Variants in SLC35F1 observed in about 807,000 individuals in gnomAD.
SLC35F1 encodes the protein solute carrier family 35 member F1.
Under a neutral mutation model 48.7 loss-of-function variants are expected in SLC35F1, and 14 were observed. That is an observed-to-expected ratio of 0.29 (90% CI 0.19 to 0.45). SLC35F1 has a LOEUF of 0.45. Among genes scored for constraint, SLC35F1 ranks in the 20% least tolerant of loss-of-function variants. The pLI, the probability that SLC35F1 is intolerant of heterozygous loss-of-function variation, is 1.00. For synonymous variants in SLC35F1, 190 were observed against 202.2 expected, an observed-to-expected ratio of 0.94 and a Z score of 0.51; for missense variants, 404 against 500.0, an observed-to-expected ratio of 0.81 and a Z score of 1.83.
intron 1 of SLC35F1, among the ~76,000 whole-genome samples, chr6:117,934,608 ATTATTATTT>A (rs1350470236): frequency 3.3e-5 from 5 of 152,216 alleles, no homozygotes; most frequent in African/African-American, 1.2e-4. Flanking sequence ...AAATTCATAA[ATTATTATTT>A]TAGGATTATA....
chr6:118,068,394 TTTC>T (rs1160122745), intron 1 of SLC35F1, among the ~76,000 whole-genome samples: 1 of 152,196 alleles, frequency 6.6e-6, no homozygotes, highest in East Asian at 1.9e-4. Context: ...TACATTTTTT[TTTC>T]TTCTTTGTGT....
At chr6:118,006,453 CAAAA>C (rs1217256337) in intron 1 of SLC35F1, among the ~76,000 whole-genome samples, 1 of 151,926 alleles carries the variant, frequency 6.6e-6, no homozygotes, top group Non-Finnish European at 1.5e-5. Flanking sequence ...CCCATCTCTA[CAAAA>C]AATTTTTAAA....
intron 1 of SLC35F1, among the ~76,000 whole-genome samples, chr6:118,021,628 C>T (rs4132663): frequency 0.028 from 4,230 of 152,254 alleles, 197 homozygotes; most frequent in African/African-American, 0.097. Flanking sequence ...ACACAGAGAT[C>T]ATGCCTCCAT....
Position 118,317,004 on chromosome 6 carries a change from C to G in SLC35F1, c.*2752C>G, listed in dbSNP as rs923176235. ...GGGGCGGGAAATGGGAGTAGGACAACATTAACTTTAGCTGTTTTAGTTTCT... is the reference window on the plus strand; with the variant it reads ...GGGGCGGGAAATGGGAGTAGGACAAGATTAACTTTAGCTGTTTTAGTTTCT... On this transcript the variant is annotated 3_prime_UTR_variant, in exon 8 of 8. Coordinates refer to ENST00000360388, the MANE Select transcript of SLC35F1 (RefSeq NM_001029858.4). The G allele has an allele frequency of 1.3e-5, 2 of 152,572 alleles. No individual in the cohort carries two copies. Among genetic ancestry groups the G allele is most frequent in the African/African-American group, 4.8e-5 (2 of 41,416 alleles). The allele number at this position is 152,572 out of a possible 1,614,324, so 9.5% of individuals were successfully genotyped here.
At position 118,302,375 on chromosome 6, in the gene SLC35F1, C is replaced by A. The variant is rs137868300; in HGVS notation, c.1003-11653C>A. Among the ~76,000 whole-genome samples, 1,351 of 152,246 alleles carry A rather than the reference C, an allele frequency of 8.9e-3. 6 individuals are homozygous for A. The highest frequency in any genetic ancestry group is 0.014 in the South Asian group (65 of 4,814). On this transcript the variant is annotated intron_variant, in intron 7 of 7. Transcript: ENST00000360388. ...TAGTGCACCCCAGGAGGAACCATTT[C>A]AGGAAGTAACAATAATATTATCAAA...
chr6:117,932,247 A>C (rs1312101569), intron 1 of SLC35F1, among the ~76,000 whole-genome samples: 1 of 152,230 alleles, frequency 6.6e-6, no homozygotes, highest in Non-Finnish European at 1.5e-5. Context: ...AACTGTGAGA[A>C]ATACATTTCT....
chr6:118,170,838 CATAAAT>C (rs1774393279), intron 2 of SLC35F1, among the ~76,000 whole-genome samples: 1 of 152,094 alleles, frequency 6.6e-6, no homozygotes, highest in South Asian at 2.1e-4. Flanking sequence ...CAAATATAGA[CATAAAT>C]ATAATTTTTT....
chr6:118,088,054 C>T (rs949605781), intron 1 of SLC35F1, among the ~76,000 whole-genome samples: 1 of 152,146 alleles, frequency 6.6e-6, no homozygotes, highest in African/African-American at 2.4e-5. Flanking sequence ...TACTCCATGA[C>T]AAATCATTGA....
intron 1 of SLC35F1, among the ~76,000 whole-genome samples, chr6:118,070,135 T>C (rs1177797136): frequency 1.3e-5 from 1 of 74,354 alleles, no homozygotes; most frequent in Admixed American, 2.4e-4. Context: ...AGAGCGAGAC[T>C]CCGTCTCAAA....
chr6:118,288,079 A>G (rs1165845234), intron 7 of SLC35F1, among the ~76,000 whole-genome samples: 1 of 150,960 alleles, frequency 6.6e-6, no homozygotes, highest in Non-Finnish European at 1.5e-5. Context: ...AAATTTTCTT[A>G]AAGCAGGGAT....
chr6:118,092,908 C>T (rs1171669111), intron 1 of SLC35F1, among the ~76,000 whole-genome samples: 1 of 152,130 alleles, frequency 6.6e-6, no homozygotes, highest in Non-Finnish European at 1.5e-5. Context: ...TTGACGGGCT[C>T]ATAGGTGGAA....
chr6:118,041,574 A>G (rs948008180), intron 1 of SLC35F1, among the ~76,000 whole-genome samples: 2 of 152,176 alleles, frequency 1.3e-5, no homozygotes, highest in Non-Finnish European at 2.9e-5. Context: ...TAAGTAAGTA[A>G]ACATCAAAAT....
chr6:118,183,445 C>A (rs1389769504), intron 2 of SLC35F1, among the ~76,000 whole-genome samples: 1 of 151,718 alleles, frequency 6.6e-6, no homozygotes, highest in Non-Finnish European at 1.5e-5. Context: ...ACATATGTAA[C>A]TAACCTGCAC....
Position 118,314,641 on chromosome 6 carries a change from T to A in SLC35F1, c.*389T>A, listed in dbSNP as rs1776410453. 1 of 229,746 alleles carries A rather than the reference T, an allele frequency of 4.4e-6. No homozygotes were observed. The highest frequency in any genetic ancestry group is 8.8e-6 in the Non-Finnish European group (1 of 113,394). 14.2% of individuals were successfully genotyped at this position (229,746 alleles called of 1,614,324 possible). A position where few individuals can be genotyped will look rare whatever the true frequency, so the allele number is the denominator to read the frequency against. On this transcript the variant is annotated 3_prime_UTR_variant, in exon 8 of 8. Coordinates refer to ENST00000360388, the MANE Select transcript of SLC35F1 (RefSeq NM_001029858.4). ...AAACTATTGCCAGACCCACATGTAG[T>A]CAACATAAACCCCACTTTTCTATGG...
intron 3 of SLC35F1, among the ~76,000 whole-genome samples, chr6:118,238,908 T>C (rs1775401551): frequency 6.6e-6 from 1 of 152,046 alleles, no homozygotes; most frequent in Non-Finnish European, 1.5e-5. Flanking sequence ...TACCCACTGA[T>C]AGAGTCAGGG....
At chr6:118,276,073 A>G (rs1333169430) in intron 5 of SLC35F1, among the ~76,000 whole-genome samples, 2 of 152,222 alleles carry the variant, frequency 1.3e-5, no homozygotes, top group Non-Finnish European at 2.9e-5. Context: ...AGAGTGGACC[A>G]TATTTCAAAT....
At chr6:118,112,176 T>C (rs984712630) in intron 1 of SLC35F1, among the ~76,000 whole-genome samples, 1 of 151,486 alleles carries the variant, frequency 6.6e-6, no homozygotes, top group African/African-American at 2.4e-5. Flanking sequence ...GTCACCAGGC[T>C]GGAGTGCAGT....
intron 1 of SLC35F1, 58 bp from the exon 2 acceptor site, chr6:118,154,387 A>G (rs1189292523): frequency 4.0e-6 from 6 of 1,500,340 alleles, no homozygotes; most frequent in Admixed American, 2.1e-5. Context: ...TTTAATTGCT[A>G]TTGTTTTAAT....
At chr6:117,981,090 A>AT (rs1288909894) in intron 1 of SLC35F1, among the ~76,000 whole-genome samples, 1 of 152,228 alleles carries the variant, frequency 6.6e-6, no homozygotes, top group Non-Finnish European at 1.5e-5. Flanking sequence ...GCAAAAGGAG[A>AT]TTCCCTGTTT....
Sources: allele counts gnomAD v4.1 joint callset (sites outside exome capture counted in the v4.1 genomes callset), GRCh38; gene constraint gnomAD v4.1.1; transcripts MANE v1.5; gene names NCBI Gene and HGNC (gene_info 2026-07-23, HGNC 2026-07-21).